The following LRRC4C variants were observed in gnomAD, a reference collection of about 807,000 sequenced individuals.
LRRC4C encodes leucine-rich repeat-containing protein 4C.
A neutral mutation model predicts 33.6 loss-of-function variants in LRRC4C; 5 were observed. That is an observed-to-expected ratio of 0.15 (90% confidence interval 0.08 to 0.31). The LOEUF (loss-of-function observed/expected upper bound fraction) is 0.31, where lower values mean the gene tolerates loss of function less well. Ranked by LOEUF, LRRC4C falls within the 10% of genes least tolerant of loss-of-function variation. The pLI, the probability that LRRC4C is intolerant of heterozygous loss-of-function variation, is 1.00. For missense variants in LRRC4C, 560 were observed against 796.7 expected, an observed-to-expected ratio of 0.70 and a Z score of 3.58; for synonymous variants, 329 against 302.0, an observed-to-expected ratio of 1.09 and a Z score of -0.93.
At chr11:40,413,317 G>A (rs1950216625) in intron 3 of LRRC4C, among the ~76,000 whole-genome samples, 1 of 152,024 alleles carries the variant, frequency 6.6e-6, no homozygotes, top group African/African-American at 2.4e-5. Flanking sequence ...AGGATACAAT[G>A]CATTCACACA....
At chr11:40,830,689 C>T (rs1454624677) in intron 2 of LRRC4C, among the ~76,000 whole-genome samples, 2 of 152,076 alleles carry the variant, frequency 1.3e-5, no homozygotes, top group Non-Finnish European at 2.9e-5. Flanking sequence ...TCCCTCTACC[C>T]TTCATGCCGA....
chr11:40,255,904 A>G (rs371793647), intron 4 of LRRC4C, among the ~76,000 whole-genome samples: 32 of 152,354 alleles, frequency 2.1e-4, no homozygotes, highest in African/African-American at 5.8e-4. Flanking sequence ...CAAATTTGAT[A>G]CTGCATCATT....
intron 1 of LRRC4C, among the ~76,000 whole-genome samples, chr11:41,033,907 A>C (rs746684083): frequency 7.9e-5 from 12 of 152,164 alleles, no homozygotes; most frequent in Non-Finnish European, 1.5e-4. Context: ...AGAAAAATTT[A>C]ACCTACAAAT....
At chr11:41,366,880 G>A (rs1371367970) in intron 1 of LRRC4C, among the ~76,000 whole-genome samples, 1 of 152,130 alleles carries the variant, frequency 6.6e-6, no homozygotes, top group African/African-American at 2.4e-5. Flanking sequence ...TCTTCTTTAA[G>A]CCACCTAGAC....
chr11:41,384,985 A>T (rs1953301365), intron 1 of LRRC4C, among the ~76,000 whole-genome samples: 1 of 150,774 alleles, frequency 6.6e-6, no homozygotes, highest in Non-Finnish European at 1.5e-5. Context: ...AAAGAAAAAC[A>T]TATCTCAAGG....
intron 2 of LRRC4C, among the ~76,000 whole-genome samples, chr11:40,865,311 A>G (rs1954300940): frequency 2.6e-5 from 4 of 152,218 alleles, no homozygotes; most frequent in African/African-American, 7.2e-5. Context: ...TGAAGGGGGA[A>G]GTTGGGGAGA....
chr11:40,595,005 T>C (rs1434519909), intron 3 of LRRC4C, among the ~76,000 whole-genome samples: 2 of 152,120 alleles, frequency 1.3e-5, no homozygotes, highest in African/African-American at 4.8e-5. Context: ...TTTTACACAG[T>C]AAGTTTTAAA....
intron 1 of LRRC4C, among the ~76,000 whole-genome samples, chr11:41,244,593 A>G (rs1948379736): frequency 6.6e-6 from 1 of 152,238 alleles, no homozygotes; most frequent in Admixed American, 6.5e-5. Flanking sequence ...AGAAAACAGT[A>G]GAGGAGAAGG....
intron 3 of LRRC4C, among the ~76,000 whole-genome samples, chr11:40,421,508 T>C (rs1325170617): frequency 6.6e-6 from 1 of 152,186 alleles, no homozygotes; most frequent in Admixed American, 6.5e-5. Context: ...GCAGTTCAAA[T>C]AGGCATGGAG....
chr11:40,300,272 A>G (rs143195617), intron 4 of LRRC4C, among the ~76,000 whole-genome samples: 66 of 152,266 alleles, frequency 4.3e-4, no homozygotes, highest in African/African-American at 1.4e-3. Context: ...AGGGATTACA[A>G]TTTGACATGA....
rs1948225718 is a variant in LRRC4C at position 40,366,784 on chromosome 11, TC to T, written c.-269-47064del. 2.6e-5 allele frequency among the ~76,000 whole-genome samples: 4 copies of T among 152,084 alleles called. 1 individual carries two copies. In the South Asian group the frequency reaches 8.3e-4, roughly 31 times the overall value. On this transcript the variant is annotated intron_variant, in intron 3 of 6. Coordinates refer to ENST00000528697, the MANE Select transcript of LRRC4C (RefSeq NM_001258419.2). ...TGACAGAAACAGCACCCAGAGGTTTTCATTTAAAGTGCAAATACTGCAGCTA... is the reference window on the plus strand; with the variant it reads ...TGACAGAAACAGCACCCAGAGGTTTTATTTAAAGTGCAAATACTGCAGCTA...
intron 2 of LRRC4C, among the ~76,000 whole-genome samples, chr11:40,843,236 A>G (rs577829749): frequency 1.3e-5 from 2 of 152,128 alleles, no homozygotes; most frequent in Middle Eastern, 6.8e-3. Context: ...TATTATTCTC[A>G]TTTTCATTTG....
At chr11:41,123,271 T>TG (rs1408643096) in intron 1 of LRRC4C, among the ~76,000 whole-genome samples, 6 of 84,770 alleles carry the variant, frequency 7.1e-5, no homozygotes, top group African/African-American at 2.4e-4. Flanking sequence ...GTTTTTTTTT[T>TG]TTTTTTTTTT....
At chr11:41,145,685 T>C (rs556256138) in intron 1 of LRRC4C, among the ~76,000 whole-genome samples, 1 of 152,250 alleles carries the variant, frequency 6.6e-6, no homozygotes, top group Admixed American at 6.5e-5. Context: ...AGACTGTCCA[T>C]TTGAATATAA....
intron 1 of LRRC4C, among the ~76,000 whole-genome samples, chr11:41,373,108 T>C (rs1244417581): frequency 1.3e-5 from 2 of 152,182 alleles, no homozygotes; most frequent in Non-Finnish European, 2.9e-5. Flanking sequence ...GTTATGGTAA[T>C]ATACTAGACA....
intron 4 of LRRC4C, among the ~76,000 whole-genome samples, chr11:40,315,576 C>T: frequency 6.6e-6 from 1 of 151,766 alleles, no homozygotes. Context: ...CATTGTGAAA[C>T]ACTGTATAGT....
chr11:40,500,715 G>A (rs1954719948), intron 3 of LRRC4C, among the ~76,000 whole-genome samples: 1 of 152,058 alleles, frequency 6.6e-6, no homozygotes, highest in Non-Finnish European at 1.5e-5. Context: ...TGGAAATTAT[G>A]AGAGTACAAT....
At chr11:40,633,371 T>TTCTTTCTTTCCTTCTTTCTTTCTCTC (rs745929705) in intron 3 of LRRC4C, among the ~76,000 whole-genome samples, 2 of 96,324 alleles carry the variant, frequency 2.1e-5, no homozygotes, top group African/African-American at 6.9e-5. Context: ...CTTTCTTTCT[T>TTCTTTCTTTCCTTCTTTCTTTCTCTC]TCTCTCTCTT....
At chr11:41,325,581 G>T (rs55722839) in intron 1 of LRRC4C, among the ~76,000 whole-genome samples, 15,402 of 96,516 alleles carry the variant, frequency 0.16, 1,233 homozygotes, top group African/African-American at 0.23. Context: ...TTTTTTTTGT[G>T]TGTGTGTGTG....
Sources: allele counts gnomAD v4.1 joint callset (sites outside exome capture counted in the v4.1 genomes callset), GRCh38; gene constraint gnomAD v4.1.1; transcripts MANE v1.5; gene names NCBI Gene and HGNC (gene_info 2026-07-23, HGNC 2026-07-21).